The following FAM118B variants were observed in gnomAD, a reference collection of about 807,000 sequenced individuals.
The protein encoded by FAM118B is SIR2 antiphage like 1.
A neutral mutation model predicts 38.5 loss-of-function variants in FAM118B; 24 were observed. The observed-to-expected ratio is 0.62, with a 90% CI of 0.45 to 0.88. FAM118B has a LOEUF of 0.88. Ranked by LOEUF, FAM118B falls within the 40% of genes least tolerant of loss-of-function variation. The pLI, the probability that FAM118B is intolerant of heterozygous loss-of-function variation, is 0.00. For missense variants in FAM118B, 334 were observed against 420.0 expected, an observed-to-expected ratio of 0.80 and a Z score of 1.79; for synonymous variants, 138 against 156.3, an observed-to-expected ratio of 0.88 and a Z score of 0.87.
rs1418121508 is a variant in FAM118B at position 126,250,178 on chromosome 11, G to A, written c.340-328G>A. Reference sequence around the variant, plus strand: ...GCGATCTCGGCTCACTGCAAGCTCCGCCTCCTGGGTTCACACCATTCTCCT... The same window carrying A: ...GCGATCTCGGCTCACTGCAAGCTCCACCTCCTGGGTTCACACCATTCTCCT... On this transcript the variant is annotated intron_variant, in intron 4 of 8. Coordinates refer to ENST00000533050, the MANE Select transcript of FAM118B (RefSeq NM_024556.4). This position sits in a 1 kb window ranked among gnomAD's most constrained non-coding sequence, Gnocchi z 5.1. Among the ~76,000 whole-genome samples the A allele has an allele frequency of 1.1e-4, 17 of 149,152 alleles. No homozygotes were observed. The highest frequency in any genetic ancestry group is 2.2e-4 in the Non-Finnish European group (15 of 67,696).
intron 4 of FAM118B, among the ~76,000 whole-genome samples, chr11:126,245,909 T>C (rs1950413188): frequency 1.3e-5 from 2 of 151,492 alleles, no homozygotes; most frequent in South Asian, 4.2e-4. Context: ...GGCAGGAGAA[T>C]TGCTTGAACC....
At position 126,244,645 on chromosome 11, in the gene FAM118B, A is replaced by G. The variant is rs535623396; in HGVS notation, c.339+3601A>G. On this transcript the variant is annotated intron_variant, in intron 4 of 8. Transcript: ENST00000533050. The surrounding 1 kb of genome is among the most constrained non-coding windows in gnomAD (Gnocchi z 4.5). ...ATGGTGAAACCCCGTCTCTACTAAA[A>G]ATACAAAAATTAGCTGAGCATGATG... 6.6e-6 allele frequency among the ~76,000 whole-genome samples: 1 copy of G among 152,268 alleles called. No homozygotes were observed. The highest frequency in any genetic ancestry group is 2.4e-5 in the African/African-American group (1 of 41,552).
At chr11:126,236,701 T>C (rs1393743422) in intron 3 of FAM118B, among the ~76,000 whole-genome samples, 1 of 152,084 alleles carries the variant, frequency 6.6e-6, no homozygotes, top group Non-Finnish European at 1.5e-5. Context: ...TTTAAAACTC[T>C]TGTTATTCAG....
At chr11:126,251,025 A>G (rs1478264920) in intron 5 of FAM118B, among the ~76,000 whole-genome samples, 1 of 152,246 alleles carries the variant, frequency 6.6e-6, no homozygotes, top group African/African-American at 2.4e-5. Flanking sequence ...AGCACTTGAC[A>G]GTATTCAGTG....
At chr11:126,243,761 G>C (rs1950386538) in intron 4 of FAM118B, among the ~76,000 whole-genome samples, 1 of 151,926 alleles carries the variant, frequency 6.6e-6, no homozygotes, top group African/African-American at 2.4e-5. Flanking sequence ...AAAATTAGCT[G>C]GGCATGGTAG....
At chr11:126,233,614 A>G in intron 2 of FAM118B, 1 of 398,368 alleles carries the variant, frequency 2.5e-6, no homozygotes, top group East Asian at 7.5e-5. Flanking sequence ...CAAAGATTTG[A>G]CTGGAAACAT....
intron 1 of FAM118B, among the ~76,000 whole-genome samples, chr11:126,217,747 G>A (rs1041464421): frequency 6.6e-6 from 1 of 152,196 alleles, no homozygotes; most frequent in Non-Finnish European, 1.5e-5. Flanking sequence ...TTTTTTAAAA[G>A]CATATACTTC....
chr11:126,262,017 C>A, intron 8 of FAM118B, 103 bp from the exon 9 acceptor site: 1 of 1,060,400 alleles, frequency 9.4e-7, no homozygotes, highest in South Asian at 1.4e-5. Flanking sequence ...AATCTCCTGT[C>A]TTGCCTTCTG....
In FAM118B at chr11:126,235,102, G is replaced by A. The variant is rs1950256326; in HGVS notation, c.86+15G>A. 1.9e-6 allele frequency: 3 copies of A among 1,610,234 alleles called. No individual in the cohort carries two copies. Among genetic ancestry groups the A allele is most frequent in the East Asian group, 4.5e-5 (2 of 44,848 alleles). On this transcript the variant is annotated intron_variant, in intron 3 of 8. Coordinates refer to ENST00000533050, the MANE Select transcript of FAM118B (RefSeq NM_024556.4). ...AAAAAGCCCAGGTAAACAAGAGAAG[G>A]GAATCAGCAGAGTAAATTACCATTA...
In FAM118B at chr11:126,244,444, G is replaced by T. The variant is rs1169006017; in HGVS notation, c.339+3400G>T. The stretch of plus-strand genomic sequence containing the variant: ...CACTTGCAGTGAACAATACTAAAAT[G>T]AAATATTAAAAATTCTTCCACTTGG... On this transcript the variant is annotated intron_variant, in intron 4 of 8. Coordinates refer to ENST00000533050, the MANE Select transcript of FAM118B (RefSeq NM_024556.4). The surrounding 1 kb of genome is among the most constrained non-coding windows in gnomAD (Gnocchi z 4.5). Among the ~76,000 whole-genome samples, 1 of 152,170 alleles carries T rather than the reference G, an allele frequency of 6.6e-6. No homozygotes were observed. Among genetic ancestry groups the T allele is most frequent in the African/African-American group, 2.4e-5 (1 of 41,448 alleles).
In FAM118B at chr11:126,254,394, G is replaced by T. The variant is rs36120568; in HGVS notation, c.657G>T (p.Pro219=). 1.2e-6 allele frequency: 2 copies of T among 1,614,168 alleles called. No individual in the cohort carries two copies. Among genetic ancestry groups the T allele is most frequent in the Non-Finnish European group, 1.7e-6 (2 of 1,180,020 alleles). ...ACCCTAGTGGCATTGTCCTTCATCCGGCTGGATATCAGAACGTGCTCAGGA... is the reference window on the plus strand; with the variant it reads ...ACCCTAGTGGCATTGTCCTTCATCCTGCTGGATATCAGAACGTGCTCAGGA... The part of the protein sequence containing the change: ...YTNPSGIVLH[P]AGYQNVLRNT... Residue 219 remains proline (P), a synonymous_variant, in exon 6 of 9, where the codon CCG becomes CCT. Transcript: ENST00000533050.
At chr11:126,259,950 G>C (rs1487458044) in intron 7 of FAM118B, among the ~76,000 whole-genome samples, 2 of 151,520 alleles carry the variant, frequency 1.3e-5, no homozygotes, top group African/African-American at 4.9e-5. Flanking sequence ...TCGATCTCCT[G>C]ACCTCGTGAT....
At chr11:126,258,954 C>G (rs891358194) in intron 7 of FAM118B, among the ~76,000 whole-genome samples, 1 of 152,152 alleles carries the variant, frequency 6.6e-6, no homozygotes, top group East Asian at 1.9e-4. Context: ...GGCACAAATT[C>G]TTTTATTAGC....
In FAM118B at chr11:126,262,181, C is replaced by A. The variant is rs1950715211; in HGVS notation, c.*48C>A. The A allele has an allele frequency of 6.3e-7, 1 of 1,596,374 alleles. No individual in the cohort carries two copies. The highest frequency in any genetic ancestry group is 1.3e-5 in the African/African-American group (1 of 74,610). The stretch of plus-strand genomic sequence containing the variant: ...GTTTAGACCAAGCTGTAAGGCCCTA[C>A]TACAGACAGTGTTTAACAAGTAAAC... On this transcript the variant is annotated 3_prime_UTR_variant, in exon 9 of 9. Coordinates refer to ENST00000533050, the MANE Select transcript of FAM118B (RefSeq NM_024556.4).
At position 126,256,804 on chromosome 11, in the gene FAM118B, G is replaced by C; in HGVS notation, c.934G>C (p.Glu312Gln). The C allele has an allele frequency of 6.2e-7, 1 of 1,611,376 alleles. No individual in the cohort carries two copies. Reference sequence around the variant, plus strand: ...TGGAGATGACTATGCCGATCTTCCAGAATATTTCAAGCGACTGACATGTGA... The same window carrying C: ...TGGAGATGACTATGCCGATCTTCCACAATATTTCAAGCGACTGACATGTGA... ...SYGDDYADLPEYFKRLTCEIS... is the reference protein window; with the variant it reads ...SYGDDYADLPQYFKRLTCEIS... Residue 312 changes from glutamate (E) to glutamine (Q), a missense_variant, in exon 7 of 9, where the codon GAA becomes CAA. By Grantham distance (29) the Glu-to-Gln change is conservative. This residue lies in a region of FAM118B where 88 missense variants were observed against 98.1 expected (regional missense o/e 0.90). Transcript: ENST00000533050. The surrounding 1 kb of genome is among the most constrained non-coding windows in gnomAD (Gnocchi z 6.6).
intron 7 of FAM118B, among the ~76,000 whole-genome samples, chr11:126,258,378 C>T (rs113527210): frequency 1.3e-4 from 20 of 152,270 alleles, no homozygotes; most frequent in Admixed American, 3.3e-4. Flanking sequence ...TAAAGCAAGA[C>T]GCTGTTTCTA....
chr11:126,238,884 TA>T (rs1213563802), intron 3 of FAM118B, among the ~76,000 whole-genome samples: 59 of 139,920 alleles, frequency 4.2e-4, no homozygotes, highest in Admixed American at 4.3e-4. Context: ...ATATACCCGC[TA>T]AAAAAAAAAA....
At chr11:126,251,312 T>C (rs1950500484) in intron 5 of FAM118B, among the ~76,000 whole-genome samples, 1 of 152,220 alleles carries the variant, frequency 6.6e-6, no homozygotes, top group Admixed American at 6.5e-5. Context: ...ATTTTTGTAA[T>C]GTTTTTTCCT....
intron 1 of FAM118B, among the ~76,000 whole-genome samples, chr11:126,224,177 A>G (rs1950106100): frequency 6.6e-6 from 1 of 152,178 alleles, no homozygotes; most frequent in Non-Finnish European, 1.5e-5. Context: ...GCAGATAACA[A>G]TAAATATAAT....
Sources: gnomAD v4.1 joint callset for allele counts (sites outside exome capture counted in the v4.1 genomes callset) on GRCh38, gnomAD v4.1.1 for gene constraint, gnomAD v4.1.1 regional missense constraint, Gnocchi (gnomAD v3.1) non-coding constraint, MANE v1.5 for transcripts, NCBI Gene and HGNC (gene_info 2026-07-23, HGNC 2026-07-21) for gene names.